The following MAP3K20 variants were observed in gnomAD, a reference collection of about 807,000 sequenced individuals.
MAP3K20 encodes the protein HCCS-4.
In MAP3K20, 40 loss-of-function variants were observed where a neutral mutation model predicts 85.7. The ratio of observed to expected loss-of-function variants is 0.47; its 90% CI spans 0.36 to 0.61. The LOEUF (loss-of-function observed/expected upper bound fraction) is 0.61, where lower values mean the gene tolerates loss of function less well. Ranked by LOEUF, MAP3K20 falls within the 20% of genes least tolerant of loss-of-function variation. The pLI is 0.00. For missense variants in MAP3K20, 817 were observed against 961.7 expected (o/e 0.85, Z 1.99); for synonymous variants, 325 against 327.7 (o/e 0.99, Z 0.09).
intron 2 of MAP3K20, among the ~76,000 whole-genome samples, chr2:173,152,446 T>G (rs1350864922): frequency 1.3e-5 from 2 of 152,180 alleles, no homozygotes; most frequent in South Asian, 4.1e-4. Context: ...TCCCCTAGGT[T>G]CTAAGCTTTG....
chr2:173,185,795 C>T (rs1690467430), intron 4 of MAP3K20, among the ~76,000 whole-genome samples: 1 of 152,220 alleles, frequency 6.6e-6, no homozygotes, highest in Non-Finnish European at 1.5e-5. Flanking sequence ...GCAAGCTAAT[C>T]AGCAATGCTT....
Position 173,266,133 on chromosome 2 carries a change from A to T in MAP3K20, c.1786A>T (p.Ile596Phe), listed in dbSNP as rs368057302. Residue 596 changes from isoleucine (I) to phenylalanine (F), a missense_variant, in exon 20 of 20, where the codon ATT (isoleucine) becomes TTT (phenylalanine). Around this residue, in one of 4 missense-constraint regions of MAP3K20, gnomAD observed 454 missense variants for 476.9 expected, o/e 0.95. Coordinates refer to ENST00000375213, the MANE Select transcript of MAP3K20 (RefSeq NM_016653.3). ...TTTACAGCGTTCCCAGAGCAATCCTATTCTGGGGTCACCGTTCTTCTCACA... is the reference window on the plus strand; with the variant it reads ...TTTACAGCGTTCCCAGAGCAATCCTTTTCTGGGGTCACCGTTCTTCTCACA... The part of the protein sequence containing the change: ...TSLQRSQSNP[I>F]LGSPFFSHFD... 1 of 1,613,552 alleles carries T rather than the reference A, an allele frequency of 6.2e-7. No individual in the cohort carries two copies. Among genetic ancestry groups the T allele is most frequent in the African/African-American group, 1.3e-5 (1 of 75,030 alleles).
intron 16 of MAP3K20, among the ~76,000 whole-genome samples, chr2:173,244,985 G>A (rs1684880955): frequency 6.6e-6 from 1 of 152,154 alleles, no homozygotes; most frequent in Non-Finnish European, 1.5e-5. Flanking sequence ...CATAGCAGAG[G>A]CATTTGCTGG....
At chr2:173,100,223 A>C (rs531911052) in intron 2 of MAP3K20, among the ~76,000 whole-genome samples, 9 of 152,298 alleles carry the variant, frequency 5.9e-5, no homozygotes, top group African/African-American at 2.2e-4. Context: ...AGACATCATC[A>C]CTCTACCAAG....
intron 2 of MAP3K20, among the ~76,000 whole-genome samples, chr2:173,114,882 C>T (rs929545357): frequency 6.6e-6 from 1 of 152,146 alleles, no homozygotes; most frequent in African/African-American, 2.4e-5. Flanking sequence ...GACAGAGCAC[C>T]TAGGCGAAGA....
chr2:173,107,311 G>A (rs560128475), intron 2 of MAP3K20, among the ~76,000 whole-genome samples: 2 of 152,320 alleles, frequency 1.3e-5, no homozygotes, highest in African/African-American at 4.8e-5. Context: ...TCTGGACAGA[G>A]GAGGCAAGGG....
intron 18 of MAP3K20, among the ~76,000 whole-genome samples, chr2:173,262,725 G>T (rs1372525111): frequency 1.3e-5 from 2 of 152,200 alleles, no homozygotes; most frequent in South Asian, 4.1e-4. Context: ...AGGTTGTCAG[G>T]GATGAGGCAT....
At chr2:173,195,950 T>C (rs900126026) in intron 7 of MAP3K20, among the ~76,000 whole-genome samples, 3 of 152,188 alleles carry the variant, frequency 2.0e-5, no homozygotes, top group Admixed American at 1.3e-4. Flanking sequence ...TTATTAGATT[T>C]TGGACATTTT....
intron 1 of MAP3K20, among the ~76,000 whole-genome samples, chr2:173,088,363 G>A (rs993665063): frequency 1.3e-5 from 2 of 152,178 alleles, no homozygotes; most frequent in African/African-American, 2.4e-5. Flanking sequence ...TGGGAGGTTT[G>A]GGCAAGTATG....
chr2:173,232,651 G>C (rs181994334), intron 14 of MAP3K20, among the ~76,000 whole-genome samples, 192 bp downstream of exon 14: 1 of 152,094 alleles, frequency 6.6e-6, no homozygotes, highest in Non-Finnish European at 1.5e-5. Context: ...TTACAGAAGC[G>C]TGCCACCACA....
At position 173,221,470 on chromosome 2, in the gene MAP3K20, TGAC is replaced by T. The variant is rs776733871; in HGVS notation, c.987+4223_987+4225del. 2.5e-6 allele frequency: 4 copies of T among 1,610,980 alleles called. No homozygotes were observed. In the East Asian group the frequency reaches 8.9e-5, roughly 36 times the overall value. On this transcript the variant is annotated intron_variant, in intron 11 of 19. Coordinates refer to ENST00000375213, the MANE Select transcript of MAP3K20 (RefSeq NM_016653.3). ...TCAGTGATTTTGACTTGTCAGAAGG[TGAC>T]GATGATGATGATGATGACGGTGAGG...
chr2:173,086,246 G>C (rs1687143318), intron 1 of MAP3K20, among the ~76,000 whole-genome samples: 1 of 152,168 alleles, frequency 6.6e-6, no homozygotes, highest in Admixed American at 6.5e-5. Context: ...ATTTAATCAA[G>C]TAGCAGTCTT....
At chr2:173,077,895 A>G (rs1313168583) in intron 1 of MAP3K20, among the ~76,000 whole-genome samples, 1 of 152,262 alleles carries the variant, frequency 6.6e-6, no homozygotes, top group Non-Finnish European at 1.5e-5. Context: ...AAACTTGGCA[A>G]GTTGCACTGT....
Position 173,266,319 on chromosome 2 carries a change from G to A in MAP3K20, c.1972G>A (p.Gly658Ser). 1.2e-6 allele frequency: 2 copies of A among 1,614,108 alleles called. No individual in the cohort carries two copies. Among genetic ancestry groups the A allele is most frequent in the Non-Finnish European group, 1.7e-6 (2 of 1,180,022 alleles). The change falls in exon 20 of 20, where the codon GGC (glycine) becomes AGC (serine). Residue 658 changes from glycine (G) to serine (S), a missense_variant. Physicochemically the swap from Gly to Ser is moderately conservative, Grantham distance 56 (BLOSUM62 0). Transcript: ENST00000375213. ...SSLHLNSRDSGFSSGNTDTSS... is the reference protein window; with the variant it reads ...SSLHLNSRDSSFSSGNTDTSS... ...CCTACATCTCAACTCTAGGGACAGT[G>A]GCTTTTCCAGTGGCAATACTGACAC... is the stretch of plus-strand genomic sequence containing the variant.
chr2:173,169,969 T>C, intron 3 of MAP3K20, 77 bp downstream of exon 3: 1 of 1,337,158 alleles, frequency 7.5e-7, no homozygotes, highest in Non-Finnish European at 1.1e-6. Flanking sequence ...AAATGCTTAA[T>C]ATTAGGCTCA....
intron 10 of MAP3K20, chr2:173,212,245 G>A (rs540667329): frequency 9.0e-5 from 13 of 144,982 alleles, no homozygotes; most frequent in Non-Finnish European, 1.4e-4. Context: ...GGGCTGTAGC[G>A]ATGAGCACAA....
chr2:173,195,628 T>G (rs1018499907), intron 7 of MAP3K20, among the ~76,000 whole-genome samples: 4 of 151,960 alleles, frequency 2.6e-5, no homozygotes, highest in Non-Finnish European at 5.9e-5. Flanking sequence ...ATGCCAAATG[T>G]TATTTTTGTT....
chr2:173,118,440 C>G (rs1228370687), intron 2 of MAP3K20, among the ~76,000 whole-genome samples: 1 of 152,092 alleles, frequency 6.6e-6, no homozygotes, highest in Non-Finnish European at 1.5e-5. Context: ...CAGGTAAAAA[C>G]TGTAACATAT....
At chr2:173,216,997 TG>T (rs2106314841) in intron 10 of MAP3K20, 117 bp from the exon 11 acceptor site, 2 of 1,020,186 alleles carry the variant, frequency 2.0e-6, no homozygotes, top group South Asian at 4.2e-5. Flanking sequence ...GGCAGTTACC[TG>T]GTTGATTTTA....
Sources: allele counts gnomAD v4.1 joint callset (sites outside exome capture counted in the v4.1 genomes callset), GRCh38; gene constraint gnomAD v4.1.1; regional missense constraint gnomAD v4.1.1; transcripts MANE v1.5; gene names NCBI Gene and HGNC (gene_info 2026-07-23, HGNC 2026-07-21).